The following NCAPD3 variants were observed in gnomAD, a reference collection of about 807,000 sequenced individuals.
NCAPD3 encodes non-SMC condensin II complex subunit D3.
A neutral mutation model predicts 182.9 loss-of-function variants in NCAPD3; 105 were observed. The ratio of observed to expected loss-of-function variants is 0.57; its 90% CI spans 0.49 to 0.68. The LOEUF is 0.68. NCAPD3 is among the 30% of genes least tolerant of loss of function. The pLI is 0.00. For synonymous variants in NCAPD3, 815 were observed against 679.9 expected (o/e 1.20, Z -3.09); for missense variants, 1,944 against 1,837.0 (o/e 1.06, Z -1.07).
At chr11:134,172,106 G>A (rs564694094) in intron 24 of NCAPD3, among the ~76,000 whole-genome samples, 7 of 152,262 alleles carry the variant, frequency 4.6e-5, no homozygotes, top group East Asian at 1.9e-4. Context: ...AGTGAAGTGC[G>A]GAGAGTGTGG....
rs545709470 is a variant in NCAPD3 at position 134,160,989 on chromosome 11, T to A, written c.3684+792A>T. Reference sequence around the variant, plus strand: ...CTAGGGTCTAAAGTCAGGCAATAAATACAAGAATATTTGGAAGTTTTTATT... The same window carrying A: ...CTAGGGTCTAAAGTCAGGCAATAAAAACAAGAATATTTGGAAGTTTTTATT... On this transcript the variant is annotated intron_variant, in intron 28 of 34. Transcript: ENST00000534548. Among the ~76,000 whole-genome samples, 31 of 151,846 alleles carry A rather than the reference T, an allele frequency of 2.0e-4. No individual in the cohort carries two copies. The East Asian group carries it at 5.8e-3, about 29-fold the overall frequency.
intron 22 of NCAPD3, chr11:134,177,675 C>T (rs1441240223): frequency 9.3e-5 from 53 of 568,688 alleles, no homozygotes; most frequent in Non-Finnish European, 1.5e-4. Flanking sequence ...GAGTTATATA[C>T]TATGGGATGT....
chr11:134,187,715 G>T (rs1183403537), intron 16 of NCAPD3, among the ~76,000 whole-genome samples: 1 of 152,152 alleles, frequency 6.6e-6, no homozygotes, highest in Admixed American at 6.5e-5. Context: ...AAAATGCCAG[G>T]TGCCCTTCCT....
At chr11:134,209,027 T>A in intron 6 of NCAPD3, 76 bp from the exon 7 acceptor site, 1 of 1,455,638 alleles carries the variant, frequency 6.9e-7, no homozygotes, top group Non-Finnish European at 9.5e-7. Context: ...CAAGCCATGT[T>A]TAAATGAATA....
At position 134,170,407 on chromosome 11, in the gene NCAPD3, A is replaced by C. The variant is rs570751887; in HGVS notation, c.3102-1353T>G. Among the ~76,000 whole-genome samples the C allele has an allele frequency of 2.6e-5, 4 of 152,334 alleles. No individual in the cohort carries two copies. The East Asian group carries it at 5.8e-4, about 22-fold the overall frequency. On this transcript the variant is annotated intron_variant, in intron 24 of 34. Coordinates refer to ENST00000534548, the MANE Select transcript of NCAPD3 (RefSeq NM_015261.3). Reference sequence around the variant, plus strand: ...CATCAGATGAAGTTATTTCTAAACAAGGGTTACTTTGGTAAACCATCTGTG... The same window carrying C: ...CATCAGATGAAGTTATTTCTAAACACGGGTTACTTTGGTAAACCATCTGTG...
In NCAPD3 at chr11:134,159,607, G is replaced by A. The variant is rs114246387; in HGVS notation, c.3867+285C>T. Reference sequence around the variant, plus strand: ...AAGAGGGAGTGCTGGGGGAAGATGCGGACACACTGACACACCCTGGCAGAC... The same window carrying A: ...AAGAGGGAGTGCTGGGGGAAGATGCAGACACACTGACACACCCTGGCAGAC... On this transcript the variant is annotated intron_variant, in intron 29 of 34. Coordinates refer to ENST00000534548, the MANE Select transcript of NCAPD3 (RefSeq NM_015261.3). 8.2e-3 allele frequency among the ~76,000 whole-genome samples: 1,256 copies of A among 152,270 alleles called. 14 individuals are homozygous for A. Among genetic ancestry groups the A allele is most frequent in the African/African-American group, 0.029 (1,212 of 41,546 alleles).
At chr11:134,157,762 A>G (rs762665593) in intron 31 of NCAPD3, among the ~76,000 whole-genome samples, 166 bp downstream of exon 31, 22 of 152,210 alleles carry the variant, frequency 1.4e-4, no homozygotes, top group Admixed American at 3.3e-4. Context: ...CAAATCTCCT[A>G]GAATAAATAT....
In NCAPD3 at chr11:134,184,673, A is replaced by G; in HGVS notation, c.2415T>C (p.Leu805=). 1 of 1,613,866 alleles carries G rather than the reference A, an allele frequency of 6.2e-7. No homozygotes were observed. Among genetic ancestry groups the G allele is most frequent in the Non-Finnish European group, 8.5e-7 (1 of 1,179,888 alleles). Residue 805 remains leucine, a synonymous_variant, in exon 19 of 35, where the codon CTT becomes CTC. Transcript: ENST00000534548. ...ISSAVDALQR[L]CRASAETPAE... Reference sequence around the variant, plus strand: ...CTGGTGTCTCTGCAGATGCTCTACAAAGCCTCTGCAAGGCGTCAACAGCTG... The same window carrying G: ...CTGGTGTCTCTGCAGATGCTCTACAGAGCCTCTGCAAGGCGTCAACAGCTG...
upstream of NCAPD3, chr11:134,223,992 G>C (rs1026178574): frequency 8.9e-6 from 14 of 1,575,864 alleles, 1 homozygote; most frequent in East Asian, 2.3e-4. Context: ...CGCGCGCGCC[G>C]AGTCGTTCCT....
chr11:134,178,998 T>C, intron 20 of NCAPD3, 62 bp from the exon 21 acceptor site: 2 of 1,093,960 alleles, frequency 1.8e-6, no homozygotes, highest in South Asian at 1.3e-5. Flanking sequence ...TCTAGCTAGA[T>C]TAAGGACATG....
intron 31 of NCAPD3, among the ~76,000 whole-genome samples, chr11:134,157,458 G>A (rs1300964175): frequency 1.3e-5 from 2 of 152,180 alleles, no homozygotes; most frequent in Admixed American, 6.5e-5. Context: ...TATTTGTATG[G>A]AAAAATTGAA....
Position 134,184,743 on chromosome 11 carries a change from T to C in NCAPD3, c.2345A>G (p.Lys782Arg), listed in dbSNP as rs1191046972. Residue 782 changes from lysine (K) to arginine (R), a missense_variant, in exon 19 of 35, where the codon AAG (lysine) becomes AGG (arginine). Physicochemically the swap from Lys to Arg is conservative, Grantham distance 26 (BLOSUM62 2). Coordinates refer to ENST00000534548, the MANE Select transcript of NCAPD3 (RefSeq NM_015261.3). ...STRDKVTDAVKCKLNGFQWSL... is the reference protein window; with the variant it reads ...STRDKVTDAVRCKLNGFQWSL... ...CCACTGAAATCCATTCAGCTTACAC[T>C]TGACAGCATCTATGAAGGAAGTCAA... is the stretch of plus-strand genomic sequence containing the variant. 2 of 1,613,038 alleles carry C rather than the reference T, an allele frequency of 1.2e-6. No homozygotes were observed. The highest frequency in any genetic ancestry group is 1.7e-6 in the Non-Finnish European group (2 of 1,179,682).
At chr11:134,186,083 A>G (rs1256381539) in intron 16 of NCAPD3, 1 of 152,180 alleles carries the variant, frequency 6.6e-6, no homozygotes, top group Non-Finnish European at 1.5e-5. Context: ...TAACAATTAA[A>G]TATGATGATA....
intron 27 of NCAPD3, among the ~76,000 whole-genome samples, chr11:134,165,919 A>G (rs1943774081): frequency 1.0e-5 from 1 of 99,820 alleles, no homozygotes; most frequent in African/African-American, 4.2e-5. Flanking sequence ...TAGTGAGATG[A>G]GCTTGGGGGA....
At chr11:134,160,317 A>G (rs932234489) in intron 28 of NCAPD3, among the ~76,000 whole-genome samples, 2 of 152,220 alleles carry the variant, frequency 1.3e-5, no homozygotes, top group African/African-American at 4.8e-5. Flanking sequence ...TAACAGGTAC[A>G]ATGGTATATT....
chr11:134,180,411 C>A (rs1377328062), intron 20 of NCAPD3, among the ~76,000 whole-genome samples: 2 of 152,106 alleles, frequency 1.3e-5, no homozygotes, highest in Non-Finnish European at 2.9e-5. Flanking sequence ...AAAAGCAGCT[C>A]ATTATTTCCT....
intron 19 of NCAPD3, chr11:134,183,229 C>T: frequency 2.2e-6 from 1 of 451,338 alleles, no homozygotes. Context: ...AGTTGTGTAC[C>T]ACTGAGCCTG....
intron 18 of NCAPD3, 56 bp from the exon 19 acceptor site, chr11:134,184,808 TATACACACAC>T (rs999778132): frequency 6.5e-5 from 62 of 955,512 alleles, no homozygotes; most frequent in Non-Finnish European, 8.9e-5. Flanking sequence ...TTCAGGTATA[TATACACACAC>T]ACACACACAC....
chr11:134,168,713 T>A, intron 25 of NCAPD3, 111 bp from the exon 26 acceptor site: 1 of 1,467,004 alleles, frequency 6.8e-7, no homozygotes, highest in Non-Finnish European at 9.3e-7. Context: ...TCCAGTGCAC[T>A]ACAGAGATCC....
Sources: allele counts gnomAD v4.1 joint callset (sites outside exome capture counted in the v4.1 genomes callset), GRCh38; gene constraint gnomAD v4.1.1; transcripts MANE v1.5; gene names NCBI Gene and HGNC (gene_info 2026-07-23, HGNC 2026-07-21).